ZSCAN25: variants seen among roughly 807,000 people sequenced by gnomAD.
ZSCAN25 encodes the protein zinc finger and SCAN domain containing 25.
Under a neutral mutation model 38.7 loss-of-function variants are expected in ZSCAN25, and 27 were observed. The observed-to-expected ratio is 0.70, with a 90% CI of 0.51 to 0.96. The LOEUF (loss-of-function observed/expected upper bound fraction) is 0.96, where lower values mean the gene tolerates loss of function less well. Ranked by LOEUF, ZSCAN25 falls within the 40% of genes least tolerant of loss-of-function variation. The pLI is 0.00. For missense variants in ZSCAN25, 637 were observed against 705.9 expected, an observed-to-expected ratio of 0.90 and a Z score of 1.11; for synonymous variants, 273 against 277.7, an observed-to-expected ratio of 0.98 and a Z score of 0.17.
At chr7:99,676,632 A>G in the ZSCAN25 span, 1 of 1,074,778 alleles carries the variant, frequency 9.3e-7, no homozygotes, top group Non-Finnish European at 1.3e-6. Context: ...GAGATTTTGC[A>G]TCACTGTATG....
In ZSCAN25 at chr7:99,619,985, G is replaced by T; in HGVS notation, c.379G>T (p.Ala127Ser). ...VEDLTERALE[A>S]KAVPCHRQGE... Reference sequence around the variant, plus strand: ...GGACCTGACAGAAAGAGCACTGGAGGCCAAGGCGGTGGGTGAGGAGGGGAT... The same window carrying T: ...GGACCTGACAGAAAGAGCACTGGAGTCCAAGGCGGTGGGTGAGGAGGGGAT... The change falls in exon 4 of 8, where the codon GCC becomes TCC. Residue 127 changes from alanine to serine, a missense_variant. By Grantham distance (99) the Ala-to-Ser change is moderately conservative (BLOSUM62 1). Transcript: ENST00000394152. The T allele has an allele frequency of 2.5e-6, 4 of 1,612,100 alleles. No homozygotes were observed. Among genetic ancestry groups the T allele is most frequent in the Non-Finnish European group, 2.5e-6 (3 of 1,179,490 alleles).
the ZSCAN25 span, among the ~76,000 whole-genome samples, chr7:99,683,452 C>T: frequency 1.6e-4 from 24 of 152,324 alleles, no homozygotes; most frequent in Non-Finnish European, 3.1e-4. Flanking sequence ...TATGAATATA[C>T]ATGGATACAT....
the ZSCAN25 span, chr7:99,714,696 AAAC>A: frequency 6.2e-7 from 1 of 1,609,954 alleles, no homozygotes; most frequent in Non-Finnish European, 8.5e-7. Context: ...TAGAAAAAAA[AAAC>A]CAACAGAAAA....
the ZSCAN25 span, chr7:99,715,338 T>G: frequency 4.8e-6 from 1 of 206,792 alleles, no homozygotes; most frequent in East Asian, 1.2e-4. Context: ...TAATCTACAT[T>G]CATGCCACAA....
At position 99,629,549 on chromosome 7, in the gene ZSCAN25, A is replaced by G. The variant is rs1859690; in HGVS notation, c.1164A>G (p.Glu388=). 0.12 allele frequency: 189,614 copies of G among 1,614,058 alleles called. 24,316 individuals carry two copies. Among genetic ancestry groups the G allele is most frequent in the African/African-American group, 0.59 (44,445 of 74,944 alleles). The part of the protein sequence containing the change: ...VECGKGFTLR[E]YLMKHQRTHL... The stretch of plus-strand genomic sequence containing the variant: ...GTGGGAAGGGCTTTACCCTGAGAGA[A>G]TACCTGATGAAGCACCAGAGAACCC... Residue 388 remains glutamate (E), a synonymous_variant, in exon 8 of 8, where the codon GAA becomes GAG. Transcript: ENST00000394152. The surrounding 1 kb of genome is among the most constrained non-coding windows in gnomAD (Gnocchi z 5.6).
the ZSCAN25 span, among the ~76,000 whole-genome samples, chr7:99,688,241 G>C: frequency 6.6e-6 from 1 of 152,166 alleles, no homozygotes; most frequent in Non-Finnish European, 1.5e-5. Flanking sequence ...TAGATAAAAA[G>C]TCAAGACCCA....
the ZSCAN25 span, chr7:99,714,825 G>A: frequency 7.0e-7 from 1 of 1,423,036 alleles, no homozygotes; most frequent in Non-Finnish European, 9.4e-7. Flanking sequence ...TATGACTTTT[G>A]CCCCTCTTCC....
chr7:99,652,768 G>A, the ZSCAN25 span: 1 of 1,612,420 alleles, frequency 6.2e-7, no homozygotes, highest in Non-Finnish European at 8.5e-7. Flanking sequence ...CGGCATCATA[G>A]GTAGGTGGTG....
intron 6 of ZSCAN25, among the ~76,000 whole-genome samples, chr7:99,623,418 A>C (rs1026121590): frequency 6.6e-6 from 1 of 152,200 alleles, no homozygotes; most frequent in South Asian, 2.1e-4. Flanking sequence ...TCTTTTCCAC[A>C]GGGTGCTGAG....
the ZSCAN25 span, among the ~76,000 whole-genome samples, chr7:99,698,355 T>C: frequency 6.6e-6 from 1 of 152,178 alleles, no homozygotes; most frequent in Non-Finnish European, 1.5e-5. Context: ...CCTGTTTGCC[T>C]TTTGAGTGAC....
the ZSCAN25 span, chr7:99,715,248 T>A: frequency 5.6e-6 from 1 of 177,332 alleles, no homozygotes; most frequent in Non-Finnish European, 1.2e-5. Context: ...CAGAATGTCA[T>A]GTTATTTAGC....
the ZSCAN25 span, chr7:99,730,845 A>G: frequency 2.7e-5 from 15 of 558,340 alleles, no homozygotes; most frequent in Non-Finnish European, 4.4e-5. Flanking sequence ...TCTACTTGAC[A>G]TTTGGGCTGT....
the ZSCAN25 span, among the ~76,000 whole-genome samples, chr7:99,640,114 C>G: frequency 2.0e-5 from 3 of 152,312 alleles, no homozygotes; most frequent in African/African-American, 7.2e-5. Context: ...ACATCACACA[C>G]TAAACCAAAC....
downstream of ZSCAN25, among the ~76,000 whole-genome samples, chr7:99,635,180 C>T (rs1295454408): frequency 6.6e-6 from 1 of 151,022 alleles, no homozygotes; most frequent in African/African-American, 2.4e-5. Context: ...TGTGTAATTC[C>T]TTTATTTTCT....
At chr7:99,669,788 A>C in the ZSCAN25 span, among the ~76,000 whole-genome samples, 1 of 152,338 alleles carries the variant, frequency 6.6e-6, no homozygotes, top group South Asian at 2.1e-4. Flanking sequence ...TATATGAAGC[A>C]GTGAAAAATA....
the ZSCAN25 span, among the ~76,000 whole-genome samples, chr7:99,736,439 G>A: frequency 1.3e-5 from 2 of 152,194 alleles, no homozygotes; most frequent in Non-Finnish European, 2.9e-5. Context: ...GGAGCTGGTA[G>A]AGATGAGGCC....
downstream of ZSCAN25, among the ~76,000 whole-genome samples, chr7:99,632,986 G>GTTTTTGTTTTTTTTTTTTTTTT (rs201141594): frequency 7.1e-6 from 1 of 141,482 alleles, no homozygotes; most frequent in African/African-American, 2.8e-5. Flanking sequence ...TGCATTTTCT[G>GTTTTTGTTTTTTTTTTTTTTTT]TTGTTTTTTT....
At chr7:99,617,277 G>T (rs1806549097) in intron 1 of ZSCAN25, among the ~76,000 whole-genome samples, 1 of 152,220 alleles carries the variant, frequency 6.6e-6, no homozygotes, top group African/African-American at 2.4e-5. Context: ...GCCAGGCTTG[G>T]CTTAGTGCAG....
chr7:99,618,236 C>T (rs1806638426), intron 1 of ZSCAN25: 1 of 152,224 alleles, frequency 6.6e-6, no homozygotes, highest in Non-Finnish European at 1.5e-5. Flanking sequence ...CTCCAGTCTA[C>T]TTCAAGCCTC....
Sources: gnomAD v4.1 joint callset for allele counts (sites outside exome capture counted in the v4.1 genomes callset) on GRCh38, gnomAD v4.1.1 for gene constraint, Gnocchi (gnomAD v3.1) non-coding constraint, MANE v1.5 for transcripts, NCBI Gene and HGNC (gene_info 2026-07-23, HGNC 2026-07-21) for gene names.